ASPRV1: variants seen among roughly 807,000 people sequenced by gnomAD.
The protein encoded by ASPRV1 is aspartic peptidase retroviral like 1.
Under a neutral mutation model 11.0 loss-of-function variants are expected in ASPRV1, and 7 were observed. That is an observed-to-expected ratio of 0.64 (90% CI 0.36 to 1.20). The LOEUF is 1.20. Ranked by LOEUF, ASPRV1 falls within the 50% of genes most tolerant of loss-of-function variation. The probability of loss-of-function intolerance (pLI) is 0.02; values close to 1 mark genes in which losing one functional copy is unlikely to be tolerated. For missense variants in ASPRV1, 299 were observed against 320.0 expected (o/e 0.93, Z 0.50); for synonymous variants, 136 against 138.4 (o/e 0.98, Z 0.12).
chr2:70,068,904 C>T, the ASPRV1 span, among the ~76,000 whole-genome samples: 2 of 137,188 alleles, frequency 1.5e-5, no homozygotes, highest in African/African-American at 5.5e-5. Flanking sequence ...GAGATTGTGC[C>T]ATTGCACTCC....
chr2:69,939,543 T>C, the ASPRV1 span: 2 of 152,664 alleles, frequency 1.3e-5, no homozygotes, highest in Admixed American at 6.5e-5. Context: ...TATAAACTAA[T>C]GTAATGGAAA....
At chr2:70,037,652 G>A in the ASPRV1 span, among the ~76,000 whole-genome samples, 956 of 151,366 alleles carry the variant, frequency 6.3e-3, 10 homozygotes, top group African/African-American at 0.022. Context: ...TCCTATTAAC[G>A]TGTAAAAGCT....
the ASPRV1 span, among the ~76,000 whole-genome samples, chr2:70,010,216 G>A: frequency 6.6e-6 from 1 of 152,096 alleles, no homozygotes; most frequent in African/African-American, 2.4e-5. Flanking sequence ...GTCAAGTAGG[G>A]GCACGGGAGA....
chr2:70,061,829 G>A, the ASPRV1 span, among the ~76,000 whole-genome samples: 6 of 151,702 alleles, frequency 4.0e-5, no homozygotes, highest in East Asian at 7.8e-4. Context: ...TGGGTGTGGT[G>A]GTGGACGCCT....
chr2:70,055,716 G>C, the ASPRV1 span: 1 of 152,054 alleles, frequency 6.6e-6, no homozygotes, highest in African/African-American at 2.4e-5. Flanking sequence ...TAACAAACCT[G>C]CATGTTCTGC....
chr2:69,935,342 T>C, the ASPRV1 span: 3 of 1,606,690 alleles, frequency 1.9e-6, no homozygotes, highest in Non-Finnish European at 2.6e-6. Context: ...TGTGGTCTTG[T>C]TTTCATAGAC....
chr2:70,076,419 TATG>T, the ASPRV1 span, among the ~76,000 whole-genome samples: 4 of 152,244 alleles, frequency 2.6e-5, no homozygotes, highest in Non-Finnish European at 4.4e-5. Flanking sequence ...TTTTAATTTT[TATG>T]ATAATAGCTG....
chr2:69,951,624 T>C, the ASPRV1 span, among the ~76,000 whole-genome samples: 11 of 151,456 alleles, frequency 7.3e-5, no homozygotes, highest in African/African-American at 2.7e-4. Flanking sequence ...AGATATAGAC[T>C]GACCAACGTT....
the ASPRV1 span, chr2:70,081,457 T>C: frequency 6.7e-6 from 1 of 150,346 alleles, no homozygotes; most frequent in African/African-American, 2.5e-5. Flanking sequence ...ATTGCGCCAC[T>C]GCACTCCATC....
At chr2:70,082,355 G>T in the ASPRV1 span, among the ~76,000 whole-genome samples, 1 of 152,002 alleles carries the variant, frequency 6.6e-6, no homozygotes, top group Non-Finnish European at 1.5e-5. Context: ...AATCACTTGA[G>T]CTCAGGAATT....
chr2:70,051,503 T>C, the ASPRV1 span, among the ~76,000 whole-genome samples: 16 of 152,216 alleles, frequency 1.1e-4, no homozygotes, highest in South Asian at 4.1e-4. Context: ...TGCACAAGCA[T>C]GCAAAGATGT....
At chr2:70,073,130 T>C in the ASPRV1 span, 1 of 152,128 alleles carries the variant, frequency 6.6e-6, no homozygotes, top group Non-Finnish European at 1.5e-5. Flanking sequence ...TCCTAAGAAC[T>C]GATGAGCTCC....
chr2:70,066,790 T>C, the ASPRV1 span, among the ~76,000 whole-genome samples: 2 of 151,758 alleles, frequency 1.3e-5, no homozygotes, highest in African/African-American at 2.4e-5. Context: ...TGTAGAGACA[T>C]GGTCTCACTA....
chr2:69,966,815 G>T, the ASPRV1 span, among the ~76,000 whole-genome samples: 1 of 152,312 alleles, frequency 6.6e-6, no homozygotes, highest in East Asian at 1.9e-4. Context: ...AGCACAGGAA[G>T]TTGTGTCTTT....
At chr2:70,061,596 G>T in the ASPRV1 span, among the ~76,000 whole-genome samples, 2 of 152,048 alleles carry the variant, frequency 1.3e-5, no homozygotes, top group African/African-American at 4.8e-5. Context: ...TGAGAAACAT[G>T]CAAGGACCAG....
the ASPRV1 span, among the ~76,000 whole-genome samples, chr2:69,971,460 C>T: frequency 7.9e-5 from 12 of 152,250 alleles, no homozygotes; most frequent in East Asian, 1.5e-3. Context: ...TAGAATAGAA[C>T]GTTAGGACCC....
chr2:70,043,418 G>A, the ASPRV1 span, among the ~76,000 whole-genome samples: 2 of 150,370 alleles, frequency 1.3e-5, no homozygotes, highest in African/African-American at 5.0e-5. Context: ...ACAGAGTCTC[G>A]CATTTAAAAA....
At chr2:69,966,370 C>T (rs1260485153), upstream of ASPRV1, among the ~76,000 whole-genome samples, 1 of 152,266 alleles carries the variant, frequency 6.6e-6, no homozygotes, top group Non-Finnish European at 1.5e-5. Flanking sequence ...TAGACCAAGC[C>T]GTCATCCTTT....
the ASPRV1 span, among the ~76,000 whole-genome samples, chr2:69,992,950 C>A: frequency 6.6e-6 from 1 of 152,236 alleles, no homozygotes; most frequent in Non-Finnish European, 1.5e-5. Context: ...CTGTTGCTTT[C>A]TCAGACGGTG....
Sources: gnomAD v4.1 joint callset for allele counts (sites outside exome capture counted in the v4.1 genomes callset) on GRCh38, gnomAD v4.1.1 for gene constraint, MANE v1.5 for transcripts, NCBI Gene and HGNC (gene_info 2026-07-23, HGNC 2026-07-21) for gene names.